Variants in GLIS3 observed in about 807,000 individuals in gnomAD.
GLIS3 encodes GLIS family zinc finger 3, also known as zinc finger protein GLIS3.
In GLIS3, 53 loss-of-function variants were observed where a neutral mutation model predicts 78.6. The observed-to-expected ratio is 0.67, with a 90% confidence interval of 0.54 to 0.85. GLIS3 has a LOEUF of 0.85. Among genes scored for constraint, GLIS3 ranks in the 40% least tolerant of loss-of-function variants. GLIS3 has a pLI of 0.00. For synonymous variants in GLIS3, 684 were observed against 509.9 expected, an observed-to-expected ratio of 1.34 and a Z score of -4.60; for missense variants, 1,703 against 1,231.1, an observed-to-expected ratio of 1.38 and a Z score of -5.74.
chr9:4,133,398 G>C (rs759785607), intron 2 of GLIS3, among the ~76,000 whole-genome samples: 1 of 152,152 alleles, frequency 6.6e-6, no homozygotes, highest in African/African-American at 2.4e-5. Context: ...TTCAAGAATG[G>C]GTTATCACCA....
At chr9:3,860,687 C>G (rs566419277) in intron 8 of GLIS3, among the ~76,000 whole-genome samples, 2 of 152,198 alleles carry the variant, frequency 1.3e-5, no homozygotes, top group African/African-American at 4.8e-5. Flanking sequence ...CTGTCTGTTA[C>G]TAGCTGGGTA....
At chr9:3,912,414 T>C (rs1469765803) in intron 6 of GLIS3, among the ~76,000 whole-genome samples, 2 of 152,076 alleles carry the variant, frequency 1.3e-5, no homozygotes, top group Non-Finnish European at 2.9e-5. Flanking sequence ...TAAAACATAT[T>C]AGAAACCAGA....
the GLIS3 span, among the ~76,000 whole-genome samples, chr9:4,464,058 T>C: frequency 2.0e-5 from 3 of 152,156 alleles, no homozygotes; most frequent in Admixed American, 6.5e-5. Flanking sequence ...GGAGCCTTTA[T>C]GTGGTACACT....
intron 2 of GLIS3, among the ~76,000 whole-genome samples, chr9:4,314,287 T>G (rs146275865): frequency 6.6e-6 from 1 of 152,354 alleles, no homozygotes; most frequent in East Asian, 1.9e-4. Context: ...TCAAGAACCC[T>G]TGACTTCCAG....
intron 2 of GLIS3, among the ~76,000 whole-genome samples, chr9:4,157,712 G>A (rs1835141183): frequency 6.6e-6 from 1 of 152,094 alleles, no homozygotes; most frequent in South Asian, 2.1e-4. Flanking sequence ...TGCATTACAG[G>A]AGGATTTACG....
chr9:3,994,122 G>A (rs143952157), intron 4 of GLIS3, among the ~76,000 whole-genome samples: 1 of 152,306 alleles, frequency 6.6e-6, no homozygotes, highest in Non-Finnish European at 1.5e-5. Flanking sequence ...CACACTTTGA[G>A]AACTGCTGTT....
intron 7 of GLIS3, among the ~76,000 whole-genome samples, chr9:3,886,778 CAGAA>C (rs1214860975): frequency 6.6e-6 from 1 of 152,126 alleles, no homozygotes; most frequent in African/African-American, 2.4e-5. Context: ...ATTCACAAAC[CAGAA>C]AGAGATTTCT....
chr9:3,844,196 G>A (rs1176119725), intron 9 of GLIS3, among the ~76,000 whole-genome samples: 1 of 152,168 alleles, frequency 6.6e-6, no homozygotes. Context: ...TGAAGAGAGT[G>A]GCCTCGCTAC....
At chr9:4,132,785 A>G (rs1016410919) in intron 2 of GLIS3, among the ~76,000 whole-genome samples, 2 of 152,216 alleles carry the variant, frequency 1.3e-5, no homozygotes, top group Non-Finnish European at 2.9e-5. Context: ...AGCAATTTCT[A>G]TATGGTTCAA....
intron 4 of GLIS3, among the ~76,000 whole-genome samples, chr9:4,082,472 AT>A (rs1354411712): frequency 1.3e-5 from 2 of 152,192 alleles, no homozygotes; most frequent in Admixed American, 6.5e-5. Flanking sequence ...GATATAAGCC[AT>A]TTTGCTCAGG....
At chr9:4,117,656 T>TA (rs1831767521) in intron 4 of GLIS3, 112 bp downstream of exon 4, 3 of 1,184,110 alleles carry the variant, frequency 2.5e-6, no homozygotes, top group Non-Finnish European at 3.8e-6. Context: ...ATCTCATGGA[T>TA]ACCTAGACCC....
chr9:4,278,022 T>C (rs1227994424), intron 2 of GLIS3, among the ~76,000 whole-genome samples: 2 of 151,570 alleles, frequency 1.3e-5, no homozygotes, highest in Non-Finnish European at 3.0e-5. Context: ...AATTTACATG[T>C]AGTAAGTGAT....
chr9:4,059,825 TGTGTGAGAGAGAGA>T (rs1300611257), intron 4 of GLIS3, among the ~76,000 whole-genome samples: 4 of 120,270 alleles, frequency 3.3e-5, no homozygotes, highest in African/African-American at 1.3e-4. Context: ...TGTGTGTGTG[TGTGTGAGAGAGAGA>T]GAGAGAGAGA....
intron 7 of GLIS3, among the ~76,000 whole-genome samples, chr9:3,882,766 G>A (rs1015214615): frequency 2.0e-5 from 3 of 152,170 alleles, no homozygotes; most frequent in African/African-American, 7.2e-5. Context: ...GGGCTTTAGG[G>A]TTCAATTTAA....
chr9:4,390,436 T>C, the GLIS3 span, among the ~76,000 whole-genome samples: 3 of 152,074 alleles, frequency 2.0e-5, no homozygotes, highest in Admixed American at 2.0e-4. Flanking sequence ...AGCATTCATA[T>C]CTCATTGTAC....
In GLIS3 at chr9:3,850,792, C is replaced by T. The variant is rs577034957; in HGVS notation, c.2473+5217G>A. 2.0e-5 allele frequency among the ~76,000 whole-genome samples: 3 copies of T among 152,346 alleles called. No homozygotes were observed. The East Asian group carries it at 5.8e-4, about 29-fold the overall frequency. On this transcript the variant is annotated intron_variant, in intron 9 of 10. Coordinates refer to ENST00000381971, the MANE Select transcript of GLIS3 (RefSeq NM_001042413.2). ...CCAGCCATCCCTTTGACTCTTCCCT[C>T]TGTGCACACACACGCCACGGTGTCA...
intron 1 of GLIS3, among the ~76,000 whole-genome samples, chr9:4,295,706 G>T (rs1460378767): frequency 6.6e-6 from 1 of 152,168 alleles, no homozygotes; most frequent in Non-Finnish European, 1.5e-5. Flanking sequence ...AGTTATGTGG[G>T]TGTGTTCCAC....
intron 4 of GLIS3, among the ~76,000 whole-genome samples, chr9:3,996,199 C>A (rs2129853562): frequency 6.6e-6 from 1 of 152,148 alleles, no homozygotes; most frequent in South Asian, 2.1e-4. Flanking sequence ...AATAAAAATG[C>A]TTTCAGAAAA....
chr9:4,436,341 A>G, the GLIS3 span, among the ~76,000 whole-genome samples: 9 of 152,358 alleles, frequency 5.9e-5, no homozygotes, highest in East Asian at 1.2e-3. Flanking sequence ...AATATAAACA[A>G]TATTAGCTTG....
Sources: gnomAD v4.1 joint callset for allele counts (sites outside exome capture counted in the v4.1 genomes callset) on GRCh38, gnomAD v4.1.1 for gene constraint, MANE v1.5 for transcripts, NCBI Gene and HGNC (gene_info 2026-07-23, HGNC 2026-07-21) for gene names.